The following SAMD12 variants were observed in gnomAD, a reference collection of about 807,000 sequenced individuals.
SAMD12 encodes the protein sterile alpha motif domain containing 12.
Under a neutral mutation model 15.0 loss-of-function variants are expected in SAMD12, and 9 were observed. The observed-to-expected ratio is 0.60, with a 90% CI of 0.36 to 1.05. The LOEUF is 1.05. Ranked by LOEUF, SAMD12 falls within the 50% of genes least tolerant of loss-of-function variation. The probability of loss-of-function intolerance (pLI) is 0.01; values close to 1 mark genes in which losing one functional copy is unlikely to be tolerated. For synonymous variants in SAMD12, 86 were observed against 90.1 expected (o/e 0.96, Z 0.25); for missense variants, 230 against 234.2 (o/e 0.98, Z 0.12).
chr8:118,204,788 A>T (rs1819816700), intron 4 of SAMD12, among the ~76,000 whole-genome samples: 1 of 152,128 alleles, frequency 6.6e-6, no homozygotes, highest in Non-Finnish European at 1.5e-5. Context: ...ATAATAAAAG[A>T]ATCTCCAACG....
chr8:118,189,213 G>A (rs190195438), downstream of SAMD12, among the ~76,000 whole-genome samples: 366 of 152,138 alleles, frequency 2.4e-3, 3 homozygotes, highest in Middle Eastern at 6.8e-3. Context: ...TGGTGCTGGG[G>A]GAATTCTGTG....
intron 1 of SAMD12, among the ~76,000 whole-genome samples, chr8:118,618,512 C>T (rs1185731347): frequency 6.6e-6 from 1 of 152,116 alleles, no homozygotes; most frequent in Non-Finnish European, 1.5e-5. Context: ...ATGCAGGTTC[C>T]AGACACCCTT....
At chr8:118,594,040 C>CA (rs1827653916) in intron 1 of SAMD12, among the ~76,000 whole-genome samples, 1 of 152,120 alleles carries the variant, frequency 6.6e-6, no homozygotes, top group Admixed American at 6.6e-5. Context: ...TTCTATGTCA[C>CA]AAATCACAGT....
chr8:118,140,680 C>G, the SAMD12 span, among the ~76,000 whole-genome samples: 1 of 152,218 alleles, frequency 6.6e-6, no homozygotes, highest in Non-Finnish European at 1.5e-5. Flanking sequence ...ACTGGCACTC[C>G]ACAACTATTT....
intron 4 of SAMD12, among the ~76,000 whole-genome samples, chr8:118,224,550 C>T (rs1320073292): frequency 6.6e-6 from 1 of 152,014 alleles, no homozygotes; most frequent in African/African-American, 2.4e-5. Flanking sequence ...AGCAGGAGTA[C>T]CTCTAAGATT....
chr8:118,187,338 C>T (rs891865792), downstream of SAMD12, among the ~76,000 whole-genome samples: 1 of 152,012 alleles, frequency 6.6e-6, no homozygotes, highest in Non-Finnish European at 1.5e-5. Flanking sequence ...CATCTATATG[C>T]CTTATAAATA....
rs17484943 is a variant in SAMD12 at position 118,210,242 on chromosome 8, C to T, written c.434-12510G>A. ...TACGTGCATTATTACTTTTAAGCCT[C>T]GTAACAGCTTTGAAGTTGATATGAT... is the stretch of plus-strand genomic sequence containing the variant. On this transcript the variant is annotated intron_variant, in intron 4 of 4. Coordinates refer to the SAMD12 transcript ENST00000409003. Among the ~76,000 whole-genome samples, 672 of 152,266 alleles carry T rather than the reference C, an allele frequency of 4.4e-3. 3 individuals are homozygous for T. Among genetic ancestry groups the T allele is most frequent in the African/African-American group, 0.015 (633 of 41,534 alleles).
intron 4 of SAMD12, among the ~76,000 whole-genome samples, chr8:118,362,944 G>T (rs1818578272): frequency 6.6e-6 from 1 of 152,168 alleles, no homozygotes; most frequent in Non-Finnish European, 1.5e-5. Flanking sequence ...GCTCAGGTAT[G>T]CAGGAAACAT....
intron 2 of SAMD12, among the ~76,000 whole-genome samples, chr8:118,521,683 G>A (rs781623505): frequency 2.0e-5 from 3 of 151,844 alleles, no homozygotes; most frequent in Non-Finnish European, 4.4e-5. Flanking sequence ...CTGTGCTGAC[G>A]ATCTCTATCC....
intron 2 of SAMD12, among the ~76,000 whole-genome samples, chr8:118,566,297 T>A (rs997532726): frequency 2.6e-5 from 4 of 152,196 alleles, no homozygotes; most frequent in Admixed American, 2.0e-4. Flanking sequence ...TTTGGTTTCG[T>A]CTCAGAAAAC....
At chr8:118,214,414 G>GGTCATAGTGTGTGCCCT (rs1411068315) in intron 4 of SAMD12, among the ~76,000 whole-genome samples, 1 of 152,216 alleles carries the variant, frequency 6.6e-6, no homozygotes, top group Non-Finnish European at 1.5e-5. Context: ...TCTGCAGCAT[G>GGTCATAGTGTGTGCCCT]TTAGCTGATG....
At chr8:118,537,160 T>A (rs1437036321) in intron 2 of SAMD12, among the ~76,000 whole-genome samples, 1 of 152,192 alleles carries the variant, frequency 6.6e-6, no homozygotes, top group Non-Finnish European at 1.5e-5. Flanking sequence ...ACATTGAAGC[T>A]CCTTTTTATA....
the SAMD12 span, among the ~76,000 whole-genome samples, chr8:118,174,717 A>G: frequency 1.3e-5 from 2 of 152,178 alleles, no homozygotes; most frequent in Non-Finnish European, 2.9e-5. Context: ...TTTTTTCCCC[A>G]TTTTATATGG....
chr8:118,276,486 G>T (rs1408661602), intron 4 of SAMD12, among the ~76,000 whole-genome samples: 1 of 152,074 alleles, frequency 6.6e-6, no homozygotes, highest in African/African-American at 2.4e-5. Context: ...CAACCATTTT[G>T]TGTGTCCCAT....
intron 3 of SAMD12, among the ~76,000 whole-genome samples, chr8:118,436,846 G>T (rs1190361077): frequency 6.6e-6 from 1 of 152,206 alleles, no homozygotes; most frequent in Admixed American, 6.5e-5. Flanking sequence ...CACATGCGCT[G>T]TATGCTCACT....
intron 3 of SAMD12, among the ~76,000 whole-genome samples, chr8:118,403,267 A>G (rs1820959371): frequency 6.6e-6 from 1 of 152,198 alleles, no homozygotes; most frequent in African/African-American, 2.4e-5. Context: ...ATATGTCCTA[A>G]CTTGCACAAA....
At chr8:118,619,774 AC>A (rs1469464841) in intron 1 of SAMD12, among the ~76,000 whole-genome samples, 3 of 152,118 alleles carry the variant, frequency 2.0e-5, no homozygotes, top group Non-Finnish European at 4.4e-5. Context: ...CTTCCCATAG[AC>A]TGGAAAGAGT....
chr8:118,618,670 TCTA>T (rs1828309771), intron 1 of SAMD12, among the ~76,000 whole-genome samples: 1 of 151,950 alleles, frequency 6.6e-6, no homozygotes, highest in South Asian at 2.1e-4. Context: ...AAACTCTGTC[TCTA>T]CTAAAAGTAC....
intron 2 of SAMD12, among the ~76,000 whole-genome samples, chr8:118,481,046 G>A (rs1191721609): frequency 6.6e-6 from 1 of 152,144 alleles, no homozygotes; most frequent in Non-Finnish European, 1.5e-5. Flanking sequence ...GGGTTCAAGC[G>A]ATTCTCCTGC....
Sources: allele counts gnomAD v4.1 joint callset (sites outside exome capture counted in the v4.1 genomes callset), GRCh38; gene constraint gnomAD v4.1.1; transcripts MANE v1.5; gene names NCBI Gene and HGNC (gene_info 2026-07-23, HGNC 2026-07-21).